UBE2QL1: variants seen among roughly 807,000 people sequenced by gnomAD.
The protein encoded by UBE2QL1 is ubiquitin conjugating enzyme E2 QL1, also known as ubiquitin-conjugating enzyme E2Q-like protein 1.
UBE2QL1 carries 5 observed loss-of-function variants against 12.6 expected under a neutral mutation model. That is an observed-to-expected ratio of 0.40 (90% CI 0.21 to 0.83). The LOEUF is 0.83. Ranked by LOEUF, UBE2QL1 falls within the 40% of genes least tolerant of loss-of-function variation. The probability of loss-of-function intolerance (pLI) is 0.37; values close to 1 mark genes in which losing one functional copy is unlikely to be tolerated. For synonymous variants in UBE2QL1, 96 were observed against 94.5 expected (o/e 1.02, Z -0.10); for missense variants, 99 against 222.6 (o/e 0.44, Z 3.53).
In UBE2QL1 at chr5:6,478,436, G is replaced by A. The variant is rs1256478405; in HGVS notation, c.355-12782G>A. Among the ~76,000 whole-genome samples the A allele has an allele frequency of 6.6e-6, 1 of 152,222 alleles. No homozygotes were observed. The highest frequency in any genetic ancestry group is 1.5e-5 in the Non-Finnish European group (1 of 68,050). On this transcript the variant is annotated intron_variant, in intron 1 of 1. Coordinates refer to ENST00000399816, the MANE Select transcript of UBE2QL1 (RefSeq NM_001145161.3). This position sits in a 1 kb window ranked among gnomAD's most constrained non-coding sequence, Gnocchi z 4.5. ...CAGGCGCCATTTACCTGGGTTGTCTGTGAAAATCACGCGTTCCTTCTTGAT... is the reference window on the plus strand; with the variant it reads ...CAGGCGCCATTTACCTGGGTTGTCTATGAAAATCACGCGTTCCTTCTTGAT...
At chr5:6,465,575 G>A (rs567599228) in intron 1 of UBE2QL1, among the ~76,000 whole-genome samples, 18 of 152,302 alleles carry the variant, frequency 1.2e-4, no homozygotes, top group African/African-American at 4.3e-4. Context: ...CCAGTGCCTG[G>A]GGGTGGAGGG....
chr5:6,481,674 C>A lies in UBE2QL1; in HGVS notation c.355-9544C>A, dbSNP rs956096605. Among the ~76,000 whole-genome samples, 5 of 152,214 alleles carry A rather than the reference C, an allele frequency of 3.3e-5. No homozygotes were observed. The highest frequency in any genetic ancestry group is 1.2e-4 in the African/African-American group (5 of 41,458). ...GAGTGGCTCGGGCCTCCCACTGATC[C>A]TTCCCCCAGCCTTGCCCACATGACC... On this transcript the variant is annotated intron_variant, in intron 1 of 1. Coordinates refer to ENST00000399816, the MANE Select transcript of UBE2QL1 (RefSeq NM_001145161.3). This position sits in a 1 kb window ranked among gnomAD's most constrained non-coding sequence, Gnocchi z 4.5.
rs528424397 is a variant in UBE2QL1 at position 6,495,162 on chromosome 5, G to A, written c.*3813G>A. Among the ~76,000 whole-genome samples, 2 of 152,276 alleles carry A rather than the reference G, an allele frequency of 1.3e-5. No homozygotes were observed. Among genetic ancestry groups the A allele is most frequent in the African/African-American group, 4.8e-5 (2 of 41,568 alleles). The stretch of plus-strand genomic sequence containing the variant: ...CTCTGTCCTCACTGGCCCTGAACGG[G>A]AGAACTGGAGTCCCCTTGCCACCTC... On this transcript the variant is annotated 3_prime_UTR_variant, in exon 2 of 2. Coordinates refer to ENST00000399816, the MANE Select transcript of UBE2QL1 (RefSeq NM_001145161.3).
At position 6,481,839 on chromosome 5, in the gene UBE2QL1, A is replaced by G. The variant is rs978307543; in HGVS notation, c.355-9379A>G. Among the ~76,000 whole-genome samples the G allele has an allele frequency of 3.3e-5, 5 of 152,212 alleles. No homozygotes were observed. Among genetic ancestry groups the G allele is most frequent in the Non-Finnish European group, 7.3e-5 (5 of 68,032 alleles). On this transcript the variant is annotated intron_variant, in intron 1 of 1. Coordinates refer to ENST00000399816, the MANE Select transcript of UBE2QL1 (RefSeq NM_001145161.3). The surrounding 1 kb of genome is among the most constrained non-coding windows in gnomAD (Gnocchi z 4.5). Reference sequence around the variant, plus strand: ...CCATCCACAAGGAAAACATGGCCCAATGTGCGCCCACCTGCAGAATGGGTG... The same window carrying G: ...CCATCCACAAGGAAAACATGGCCCAGTGTGCGCCCACCTGCAGAATGGGTG...
At chr5:6,488,132 T>C (rs1046476591) in intron 1 of UBE2QL1, among the ~76,000 whole-genome samples, 3 of 152,242 alleles carry the variant, frequency 2.0e-5, no homozygotes, top group Non-Finnish European at 4.4e-5. Context: ...GCGCTGAGCC[T>C]CTGACTGGCT....
In UBE2QL1 at chr5:6,494,332, C is replaced by G. The variant is rs1734629339; in HGVS notation, c.*2983C>G. On this transcript the variant is annotated 3_prime_UTR_variant, in exon 2 of 2. Coordinates refer to ENST00000399816, the MANE Select transcript of UBE2QL1 (RefSeq NM_001145161.3). Reference sequence around the variant, plus strand: ...ACACACACACGCACATGTGCCAATACTCCTGCAAAGACTTGCTGTTTCTAA... The same window carrying G: ...ACACACACACGCACATGTGCCAATAGTCCTGCAAAGACTTGCTGTTTCTAA... 1 of 152,184 alleles carries G rather than the reference C, an allele frequency of 6.6e-6. No homozygotes were observed. The highest frequency in any genetic ancestry group is 2.4e-5 in the African/African-American group (1 of 41,440). The allele number at this position is 152,184 out of a possible 1,614,324, so 9.4% of individuals were successfully genotyped here. A position where few individuals can be genotyped will look rare whatever the true frequency, so the allele number is the denominator to read the frequency against.
chr5:6,467,268 G>A (rs1455424859), intron 1 of UBE2QL1, among the ~76,000 whole-genome samples: 1 of 150,970 alleles, frequency 6.6e-6, no homozygotes, highest in East Asian at 2.0e-4. Context: ...TACATTATTT[G>A]AGAGCTGCTA....
At chr5:6,455,828 C>A (rs975948947) in intron 1 of UBE2QL1, among the ~76,000 whole-genome samples, 1 of 152,140 alleles carries the variant, frequency 6.6e-6, no homozygotes, top group African/African-American at 2.4e-5. Flanking sequence ...CTCCCCACCC[C>A]ACCTGGCTCA....
At chr5:6,451,044 G>C (rs1379872282) in intron 1 of UBE2QL1, among the ~76,000 whole-genome samples, 1 of 152,202 alleles carries the variant, frequency 6.6e-6, no homozygotes, top group Non-Finnish European at 1.5e-5. Context: ...TTGCTAATCA[G>C]AATTCTTTGG....
At position 6,494,428 on chromosome 5, in the gene UBE2QL1, T is replaced by C. The variant is rs981452928; in HGVS notation, c.*3079T>C. The C allele has an allele frequency of 1.3e-5, 2 of 152,202 alleles. No individual in the cohort carries two copies. Among genetic ancestry groups the C allele is most frequent in the Non-Finnish European group, 2.9e-5 (2 of 68,038 alleles). The allele number at this position is 152,202 out of a possible 1,614,324, so 9.4% of individuals were successfully genotyped here. A position where few individuals can be genotyped will look rare whatever the true frequency, so the allele number is the denominator to read the frequency against. On this transcript the variant is annotated 3_prime_UTR_variant, in exon 2 of 2. Transcript: ENST00000399816. ...CTCCATCTATCAAAATTTGACCTTTTTTTAAGAGAAAAATATGTAGATGAG... is the reference window on the plus strand; with the variant it reads ...CTCCATCTATCAAAATTTGACCTTTCTTTAAGAGAAAAATATGTAGATGAG...
chr5:6,475,727 G>A (rs1702338917), intron 1 of UBE2QL1, among the ~76,000 whole-genome samples: 2 of 152,156 alleles, frequency 1.3e-5, no homozygotes, highest in South Asian at 4.2e-4. Flanking sequence ...GCTGGAGGAG[G>A]CAGGGTCATT....
Position 6,492,363 on chromosome 5 carries a change from T to C in UBE2QL1, c.*1014T>C, listed in dbSNP as rs1734591213. ...GTCTATTTCACCCAATAGTCACTTGTGTGTCCCCCGAAATTGGGATGGGTG... is the reference window on the plus strand; with the variant it reads ...GTCTATTTCACCCAATAGTCACTTGCGTGTCCCCCGAAATTGGGATGGGTG... On this transcript the variant is annotated 3_prime_UTR_variant, in exon 2 of 2. Coordinates refer to ENST00000399816, the MANE Select transcript of UBE2QL1 (RefSeq NM_001145161.3). 6.6e-6 allele frequency: 1 copy of C among 152,226 alleles called. No homozygotes were observed. The highest frequency in any genetic ancestry group is 2.4e-5 in the African/African-American group (1 of 41,456). The allele number at this position is 152,226 out of a possible 1,614,324, so 9.4% of individuals were successfully genotyped here. A position where few individuals can be genotyped will look rare whatever the true frequency, so the allele number is the denominator to read the frequency against.
intron 1 of UBE2QL1, among the ~76,000 whole-genome samples, 155 bp downstream of exon 1, chr5:6,449,402 G>C (rs1299146241): frequency 6.6e-6 from 1 of 152,174 alleles, no homozygotes; most frequent in African/African-American, 2.4e-5. Context: ...GATGCTCCGA[G>C]CGCCTCCACC....
At chr5:6,475,677 G>A (rs1345027524) in intron 1 of UBE2QL1, among the ~76,000 whole-genome samples, 1 of 140,902 alleles carries the variant, frequency 7.1e-6, no homozygotes, top group Admixed American at 7.3e-5. Flanking sequence ...GGAAGGCAGG[G>A]CCCGGGGGAA....
At chr5:6,462,465 G>T (rs1739692448) in intron 1 of UBE2QL1, among the ~76,000 whole-genome samples, 1 of 152,182 alleles carries the variant, frequency 6.6e-6, no homozygotes, top group South Asian at 2.1e-4. Context: ...GCTCCCGAGG[G>T]TGGCATGGCT....
chr5:6,483,497 G>A (rs534596229), intron 1 of UBE2QL1, among the ~76,000 whole-genome samples: 1 of 152,212 alleles, frequency 6.6e-6, no homozygotes, highest in South Asian at 2.1e-4. Context: ...AGGTGTGTTT[G>A]GAGTGAAGGA....
At chr5:6,455,315 G>T (rs1416419477) in intron 1 of UBE2QL1, among the ~76,000 whole-genome samples, 2 of 152,132 alleles carry the variant, frequency 1.3e-5, no homozygotes, top group African/African-American at 2.4e-5. Flanking sequence ...GGTTTAGAAG[G>T]AAGGCAGCCT....
intron 1 of UBE2QL1, among the ~76,000 whole-genome samples, chr5:6,462,487 G>C (rs1739694074): frequency 6.6e-6 from 1 of 152,174 alleles, no homozygotes; most frequent in Admixed American, 6.5e-5. Flanking sequence ...AAGCAGACCA[G>C]TGCTCCTCAA....
chr5:6,468,472 G>A (rs575551559), intron 1 of UBE2QL1, among the ~76,000 whole-genome samples: 2 of 152,162 alleles, frequency 1.3e-5, no homozygotes, highest in African/African-American at 2.4e-5. Context: ...CAACAGACAC[G>A]GGCTGACTGG....
Sources: gnomAD v4.1 joint callset for allele counts (sites outside exome capture counted in the v4.1 genomes callset) on GRCh38, gnomAD v4.1.1 for gene constraint, Gnocchi (gnomAD v3.1) non-coding constraint, MANE v1.5 for transcripts, NCBI Gene and HGNC (gene_info 2026-07-23, HGNC 2026-07-21) for gene names.